The following GREB1 variants were observed in gnomAD, a reference collection of about 807,000 sequenced individuals.
GREB1 encodes the protein protein GREB1.
A neutral mutation model predicts 200.7 loss-of-function variants in GREB1; 106 were observed. The observed-to-expected ratio is 0.53, with a 90% CI of 0.45 to 0.62. GREB1 has a LOEUF of 0.62. GREB1 is among the 20% of genes least tolerant of loss of function. The pLI is 0.00. For missense variants in GREB1, 2,243 were observed against 2,556.8 expected (o/e 0.88, Z 2.65); for synonymous variants, 1,132 against 1,092.4 (o/e 1.04, Z -0.72).
intron 1 of GREB1, among the ~76,000 whole-genome samples, chr2:11,485,824 T>G (rs2148394911): frequency 6.6e-6 from 1 of 152,316 alleles, no homozygotes; most frequent in East Asian, 1.9e-4. Flanking sequence ...AAATTTGAAT[T>G]ATTTAGAGAT....
At chr2:11,558,532 T>C (rs1676665441) in intron 2 of GREB1, among the ~76,000 whole-genome samples, 1 of 152,140 alleles carries the variant, frequency 6.6e-6, no homozygotes, top group Non-Finnish European at 1.5e-5. Context: ...AGCCCTATGA[T>C]TTTCCCATTT....
chr2:11,558,398 A>G (rs752198897), intron 2 of GREB1, among the ~76,000 whole-genome samples: 29 of 152,140 alleles, frequency 1.9e-4, no homozygotes, highest in Admixed American at 7.2e-4. Context: ...GCTGTTGGAC[A>G]TGTGGCACTG....
chr2:11,640,413 G>A lies in GREB1; in HGVS notation c.5809G>A (p.Glu1937Lys). The A allele has an allele frequency of 1.2e-6, 2 of 1,614,250 alleles. No homozygotes were observed. The highest frequency in any genetic ancestry group is 1.7e-6 in the Non-Finnish European group (2 of 1,180,054). Residue 1937 changes from glutamate (E) to lysine (K), a missense_variant, in exon 33 of 33, where the codon GAA (glutamate) becomes AAA (lysine). Physicochemically the swap from Glu to Lys is moderately conservative, Grantham distance 56 (BLOSUM62 1). Coordinates refer to ENST00000381486, the MANE Select transcript of GREB1 (RefSeq NM_014668.4). This position sits in a 1 kb window ranked among gnomAD's most constrained non-coding sequence, Gnocchi z 4.6. ...RDEFQTANAR[E>K]DRPLFFLTGR... is the part of the protein sequence containing the mutation. Reference sequence around the variant, plus strand: ...TGAGTTCCAGACCGCCAATGCCAGGGAAGACCGGCCGCTCTTTTTTCTGAC... The same window carrying A: ...TGAGTTCCAGACCGCCAATGCCAGGAAAGACCGGCCGCTCTTTTTTCTGAC...
At chr2:11,549,585 A>G (rs1237489462) in intron 1 of GREB1, among the ~76,000 whole-genome samples, 1 of 152,208 alleles carries the variant, frequency 6.6e-6, no homozygotes, top group Non-Finnish European at 1.5e-5. Context: ...AAATCATTTC[A>G]ATTTTCTTCT....
In GREB1 at chr2:11,642,328, G is replaced by T. The variant is rs2148473544; in HGVS notation, c.*1874G>T. 1 of 151,874 alleles carries T rather than the reference G, an allele frequency of 6.6e-6. No individual in the cohort carries two copies. The highest frequency in any genetic ancestry group is 3.4e-3 in the Middle Eastern group (1 of 294). The allele number at this position is 151,874 out of a possible 1,614,324, so 9.4% of individuals were successfully genotyped here. On this transcript the variant is annotated 3_prime_UTR_variant, in exon 33 of 33. Transcript: ENST00000381486. ...TTTAGTAGAGATGGGGTTTCGCCAGGTTGGCCAGGCTGGTCTTGTGAACTC... is the reference window on the plus strand; with the variant it reads ...TTTAGTAGAGATGGGGTTTCGCCAGTTTGGCCAGGCTGGTCTTGTGAACTC...
intron 23 of GREB1, among the ~76,000 whole-genome samples, chr2:11,622,215 G>T (rs577745757): frequency 1.2e-4 from 18 of 152,126 alleles, no homozygotes; most frequent in Non-Finnish European, 2.4e-4. Flanking sequence ...GGAGCAGCTG[G>T]ATTTATAGGC....
At chr2:11,495,634 G>A (rs1163048307) in intron 1 of GREB1, among the ~76,000 whole-genome samples, 1 of 152,118 alleles carries the variant, frequency 6.6e-6, no homozygotes, top group Non-Finnish European at 1.5e-5. Context: ...GTTTTGCAGA[G>A]TGGGAAACTG....
chr2:11,565,262 A>C (rs1021732320), intron 3 of GREB1, among the ~76,000 whole-genome samples: 2 of 152,246 alleles, frequency 1.3e-5, no homozygotes, highest in African/African-American at 4.8e-5. Context: ...AGAGCTTTGC[A>C]GAGCCTGCCT....
chr2:11,503,665 A>G (rs1673106252), intron 1 of GREB1, among the ~76,000 whole-genome samples: 1 of 152,144 alleles, frequency 6.6e-6, no homozygotes, highest in Non-Finnish European at 1.5e-5. Context: ...TTTTGCCAAC[A>G]CCAAATATTG....
rs368288807 is a variant in GREB1, at chr2:11,638,684, A to G, written c.5561A>G (p.Tyr1854Cys). 1.5e-5 allele frequency: 24 copies of G among 1,612,920 alleles called. No homozygotes were observed. The African/African-American group carries it at 2.1e-4, about 14-fold the overall frequency. Reference protein sequence around the residue: ...LNLGSQISVCYVSSRPHSLNI... With the variant: ...LNLGSQISVCCVSSRPHSLNI... The stretch of plus-strand genomic sequence containing the variant: ...CTTCTTTTTCAGATTTCTGTTTGCT[A>G]TGTGAGCTCCAGGCCCCACTCTTTA... The change falls in exon 32 of 33, where the codon TAT becomes TGT. Residue 1854 changes from tyrosine to cysteine, a missense_variant. Around this residue, in one of 3 missense-constraint regions of GREB1, gnomAD observed 478 missense variants for 616.3 expected, o/e 0.78. Transcript: ENST00000381486.
chr2:11,558,279 AT>A (rs1303911563), intron 2 of GREB1, among the ~76,000 whole-genome samples: 5 of 152,150 alleles, frequency 3.3e-5, no homozygotes, highest in African/African-American at 4.8e-5. Context: ...CCCTTTGAGG[AT>A]TCCAAATTAG....
At chr2:11,603,316 C>A (rs1681955512) in intron 17 of GREB1, among the ~76,000 whole-genome samples, 1 of 152,118 alleles carries the variant, frequency 6.6e-6, no homozygotes. Context: ...TGGTTTCTAC[C>A]CGCTTTTCTT....
chr2:11,609,238 A>ATT (rs1553374295), intron 17 of GREB1, among the ~76,000 whole-genome samples: 5 of 134,900 alleles, frequency 3.7e-5, no homozygotes, highest in South Asian at 5.4e-4. Flanking sequence ...CCTGGGCATT[A>ATT]TTATTTTATT....
chr2:11,637,535 T>C (rs1483252614), intron 30 of GREB1, among the ~76,000 whole-genome samples, 181 bp from the exon 31 acceptor site: 1 of 152,196 alleles, frequency 6.6e-6, no homozygotes, highest in Non-Finnish European at 1.5e-5. Flanking sequence ...TGTTTCATGT[T>C]TCCTTTGAGT....
chr2:11,512,710 CAA>C (rs1380237984), intron 1 of GREB1, among the ~76,000 whole-genome samples: 1 of 152,190 alleles, frequency 6.6e-6, no homozygotes, highest in Non-Finnish European at 1.5e-5. Context: ...CCCTGTGTGA[CAA>C]AGAGGATAAG....
chr2:11,623,762 G>C (rs903497933), intron 23 of GREB1, among the ~76,000 whole-genome samples: 1 of 152,090 alleles, frequency 6.6e-6, no homozygotes, highest in African/African-American at 2.4e-5. Context: ...GTGGTGGCAC[G>C]CGCCTGTAAT....
At position 11,610,834 on chromosome 2, in the gene GREB1, C is replaced by T. The variant is rs200350301; in HGVS notation, c.2813C>T (p.Ser938Phe). ...GAGATCACGCAGAACCTCCTCAACT[C>T]CCCGAAGCAGTGCCCCTGCGGCCAC... is the stretch of plus-strand genomic sequence containing the variant. The part of the protein sequence containing the change: ...TLEITQNLLN[S>F]PKQCPCGHGL... Residue 938 changes from serine to phenylalanine, a missense_variant, in exon 18 of 33, where the codon TCC becomes TTC. Physicochemically the swap from Ser to Phe is radical, Grantham distance 155. This residue lies in a region of GREB1 where 1,178 missense variants were observed against 1,387.4 expected (regional missense o/e 0.85). Coordinates refer to ENST00000381486, the MANE Select transcript of GREB1 (RefSeq NM_014668.4). 2.2e-5 allele frequency: 35 copies of T among 1,613,322 alleles called. No individual in the cohort carries two copies. Among genetic ancestry groups the T allele is most frequent in the Non-Finnish European group, 2.9e-5 (34 of 1,179,964 alleles).
intron 9 of GREB1, chr2:11,588,131 A>T (rs575296813): frequency 1.2e-3 from 476 of 411,302 alleles, no homozygotes; most frequent in Non-Finnish European, 1.5e-3. Context: ...CGGGAGGCTG[A>T]GGTGGGAGAA....
In GREB1 at chr2:11,627,097, G is replaced by A. The variant is rs370733043; in HGVS notation, c.4442G>A (p.Arg1481His). ...QCHQYMGFHP[R>H]YQLYESTLHA... ...CACCAGTACATGGGCTTCCACCCCC[G>A]CTACCAGGTAGGCCCCAGCAGTTCC... The change falls in exon 25 of 33, where the codon CGC becomes CAC. Residue 1481 changes from arginine to histidine, a missense_variant. Coordinates refer to ENST00000381486, the MANE Select transcript of GREB1 (RefSeq NM_014668.4). The A allele has an allele frequency of 5.4e-5, 86 of 1,593,994 alleles. No homozygotes were observed. The East Asian group carries it at 1.0e-3, about 19-fold the overall frequency.
Sources: gnomAD v4.1 joint callset for allele counts (sites outside exome capture counted in the v4.1 genomes callset) on GRCh38, gnomAD v4.1.1 for gene constraint, gnomAD v4.1.1 regional missense constraint, Gnocchi (gnomAD v3.1) non-coding constraint, MANE v1.5 for transcripts, NCBI Gene and HGNC (gene_info 2026-07-23, HGNC 2026-07-21) for gene names.